The following DLC1 variants were observed in gnomAD, a reference collection of about 807,000 sequenced individuals.
DLC1 encodes rho GTPase-activating protein 7.
A neutral mutation model predicts 140.3 loss-of-function variants in DLC1; 54 were observed. That is an observed-to-expected ratio of 0.38 (90% CI 0.31 to 0.48). The LOEUF (loss-of-function observed/expected upper bound fraction) is 0.48. Ranked by LOEUF, DLC1 falls within the 20% of genes least tolerant of loss-of-function variation. The pLI, the probability that DLC1 is intolerant of heterozygous loss-of-function variation, is 0.96. For missense variants in DLC1, 2,536 were observed against 1,907.0 expected (o/e 1.33, Z -6.14); for synonymous variants, 986 against 728.1 (o/e 1.35, Z -5.70).
At chr8:13,294,090 C>A (rs1194926277) in intron 5 of DLC1, among the ~76,000 whole-genome samples, 1 of 152,058 alleles carries the variant, frequency 6.6e-6, no homozygotes, top group Non-Finnish European at 1.5e-5. Context: ...GCGGAAAACC[C>A]CCTGTGCTCT....
At chr8:13,518,591 T>C (rs139188200), upstream of DLC1, among the ~76,000 whole-genome samples, 556 of 152,354 alleles carry the variant, frequency 3.6e-3, 1 homozygote, top group Non-Finnish European at 5.0e-3. Context: ...CCTTTGAAAA[T>C]AGTGTTTTAC....
chr8:13,237,093 T>C lies in DLC1; in HGVS notation c.1348+68176A>G, dbSNP rs185550495. ...AATGATTCTCATACAGAAGTGCTTA[T>C]ATCTCTTCTGTTGTTTTGCTTACTC... On this transcript the variant is annotated intron_variant, in intron 5 of 17. Transcript: ENST00000276297. Among the ~76,000 whole-genome samples the C allele has an allele frequency of 1.6e-3, 243 of 151,930 alleles. 1 individual carries two copies. Among genetic ancestry groups the C allele is most frequent in the Middle Eastern group, 3.4e-3 (1 of 292 alleles).
intron 5 of DLC1, among the ~76,000 whole-genome samples, chr8:13,240,367 T>C (rs1476072849): frequency 6.6e-6 from 1 of 152,216 alleles, no homozygotes; most frequent in African/African-American, 2.4e-5. Flanking sequence ...CCTCAAGATC[T>C]TTTTAACTTT....
chr8:13,157,019 T>G (rs1468961296), intron 5 of DLC1, among the ~76,000 whole-genome samples: 1 of 152,136 alleles, frequency 6.6e-6, no homozygotes, highest in African/African-American at 2.4e-5. Flanking sequence ...TAAACAATTG[T>G]GCTGATGGTG....
chr8:13,397,694 G>A (rs886260357), intron 3 of DLC1, among the ~76,000 whole-genome samples: 3 of 151,500 alleles, frequency 2.0e-5, no homozygotes, highest in African/African-American at 7.3e-5. Context: ...AAATTAGCCA[G>A]GCATGGTAAT....
chr8:13,255,781 C>T (rs1252860232), intron 5 of DLC1, among the ~76,000 whole-genome samples: 1 of 152,208 alleles, frequency 6.6e-6, no homozygotes, highest in African/African-American at 2.4e-5. Context: ...ATGCCCACAG[C>T]AGTTACTATC....
intron 5 of DLC1, among the ~76,000 whole-genome samples, chr8:13,254,221 T>A (rs1393117770): frequency 6.6e-6 from 1 of 150,816 alleles, no homozygotes; most frequent in African/African-American, 2.4e-5. Flanking sequence ...AAAAAGCACT[T>A]GAAAAGAATA....
At chr8:13,444,349 G>C (rs1371926456) in intron 2 of DLC1, among the ~76,000 whole-genome samples, 1 of 152,056 alleles carries the variant, frequency 6.6e-6, no homozygotes, top group Non-Finnish European at 1.5e-5. Flanking sequence ...ACCTAATGTA[G>C]ATGACAAGTT....
At chr8:13,555,555 G>T (rs1216780853) in intron 1 of DLC1, among the ~76,000 whole-genome samples, 1 of 151,892 alleles carries the variant, frequency 6.6e-6, no homozygotes, top group East Asian at 1.9e-4. Context: ...GCAGTGGTAT[G>T]ATCTCGGCTC....
intron 2 of DLC1, among the ~76,000 whole-genome samples, chr8:13,402,392 G>A (rs1837336547): frequency 6.6e-6 from 1 of 152,164 alleles, no homozygotes; most frequent in African/African-American, 2.4e-5. Context: ...AAGTCAATTA[G>A]TTCTAGGAAT....
chr8:13,307,121 G>A (rs369170122), intron 4 of DLC1, among the ~76,000 whole-genome samples: 2 of 151,368 alleles, frequency 1.3e-5, no homozygotes, highest in Non-Finnish European at 2.9e-5. Flanking sequence ...GAGATGGGGG[G>A]AGTTACTTTG....
At chr8:13,542,965 A>ATT (rs1375658215) in intron 1 of DLC1, among the ~76,000 whole-genome samples, 1 of 152,126 alleles carries the variant, frequency 6.6e-6, no homozygotes, top group Non-Finnish European at 1.5e-5. Context: ...ACCTACTGAA[A>ATT]TTATGATATG....
intron 2 of DLC1, among the ~76,000 whole-genome samples, chr8:13,409,596 C>G (rs1453264914): frequency 6.6e-6 from 1 of 152,126 alleles, no homozygotes; most frequent in Admixed American, 6.5e-5. Flanking sequence ...TATGTCTTAT[C>G]TGGCAACTGT....
chr8:13,224,765 G>A (rs541656930), intron 5 of DLC1, among the ~76,000 whole-genome samples: 82 of 152,306 alleles, frequency 5.4e-4, no homozygotes, highest in African/African-American at 1.9e-3. Context: ...GTGTCTACAA[G>A]AGTGAGCGCC....
In DLC1 at chr8:13,364,428, A is replaced by G. The variant is rs372374521; in HGVS notation, c.1314+29125T>C. Among the ~76,000 whole-genome samples the G allele has an allele frequency of 4.6e-5, 7 of 152,070 alleles. 1 individual carries two copies. In the South Asian group the frequency reaches 1.5e-3, roughly 32 times the overall value. ...AGTCTCCTGCCTCAGCCTCCTGAGT[A>G]GCTGAGATTACAGGCATGTGCCACC... On this transcript the variant is annotated intron_variant, in intron 4 of 17. Transcript: ENST00000276297.
At chr8:13,408,401 A>T (rs1837656018) in intron 2 of DLC1, among the ~76,000 whole-genome samples, 1 of 152,180 alleles carries the variant, frequency 6.6e-6, no homozygotes, top group Non-Finnish European at 1.5e-5. Context: ...TTATTAAGAC[A>T]TGTTGAAGAA....
At chr8:13,141,236 C>A (rs1027213039) in intron 5 of DLC1, among the ~76,000 whole-genome samples, 3 of 111,556 alleles carry the variant, frequency 2.7e-5, no homozygotes, top group African/African-American at 1.1e-4. Context: ...GCCTGGGTGA[C>A]ACAGTGCAAG....
intron 5 of DLC1, among the ~76,000 whole-genome samples, chr8:13,243,799 G>A (rs1393074009): frequency 6.6e-6 from 1 of 152,168 alleles, no homozygotes; most frequent in Non-Finnish European, 1.5e-5. Context: ...CAAAAGAGCT[G>A]CTCTCTGTCT....
intron 4 of DLC1, among the ~76,000 whole-genome samples, chr8:13,363,102 A>T (rs1835314290): frequency 6.6e-6 from 1 of 152,154 alleles, no homozygotes; most frequent in African/African-American, 2.4e-5. Context: ...GGGGATGTAA[A>T]CATTAATGAG....
Sources: gnomAD v4.1 joint callset for allele counts (sites outside exome capture counted in the v4.1 genomes callset) on GRCh38, gnomAD v4.1.1 for gene constraint, MANE v1.5 for transcripts, NCBI Gene and HGNC (gene_info 2026-07-23, HGNC 2026-07-21) for gene names.